The following RB1CC1 variants were observed in gnomAD, a reference collection of about 807,000 sequenced individuals.
RB1CC1 encodes the protein RB1 inducible coiled-coil 1.
RB1CC1 carries 46 observed loss-of-function variants against 177.5 expected under a neutral mutation model. That is an observed-to-expected ratio of 0.26 (90% CI 0.20 to 0.33). The LOEUF (loss-of-function observed/expected upper bound fraction) is 0.33. RB1CC1 is among the 10% of genes least tolerant of loss of function. The pLI is 1.00. For missense variants in RB1CC1, 1,703 were observed against 1,816.3 expected, an observed-to-expected ratio of 0.94 and a Z score of 1.13; for synonymous variants, 666 against 613.6, an observed-to-expected ratio of 1.09 and a Z score of -1.26.
chr8:52,641,960 A>AAATAAT lies in RB1CC1; in HGVS notation c.4337+385_4337+390dup, dbSNP rs140961129. Among the ~76,000 whole-genome samples, 27 of 151,782 alleles carry AAATAAT rather than the reference A, an allele frequency of 1.8e-4. No individual in the cohort carries two copies. In the East Asian group the frequency reaches 4.3e-3, roughly 24 times the overall value. Reference sequence around the variant, plus strand: ...AAACATTTGCTATATATGAATAAACAAATAATAATAATAATAATAAAAAAC... The same window carrying AAATAAT: ...AAACATTTGCTATATATGAATAAACAAATAATAATAATAATAATAATAATAAAAAAC... On this transcript the variant is annotated intron_variant, in intron 18 of 23. Transcript: ENST00000025008.
intron 1 of RB1CC1, among the ~76,000 whole-genome samples, chr8:52,707,697 G>T (rs974000808): frequency 6.6e-6 from 1 of 152,004 alleles, no homozygotes; most frequent in Non-Finnish European, 1.5e-5. Context: ...CCTTACTGTT[G>T]CCTACAGCAG....
chr8:52,697,749 A>G (rs1418114966), intron 1 of RB1CC1, among the ~76,000 whole-genome samples: 2 of 152,244 alleles, frequency 1.3e-5, no homozygotes, highest in African/African-American at 4.8e-5. Flanking sequence ...GCAAATTTCC[A>G]TAATAAAACA....
At chr8:52,662,702 C>T (rs1398470950) in intron 8 of RB1CC1, among the ~76,000 whole-genome samples, 3 of 151,954 alleles carry the variant, frequency 2.0e-5, no homozygotes, top group African/African-American at 4.8e-5. Flanking sequence ...TCCTAAATAT[C>T]ATGACATTTA....
At chr8:52,697,675 T>C (rs543124269) in intron 1 of RB1CC1, among the ~76,000 whole-genome samples, 6 of 152,348 alleles carry the variant, frequency 3.9e-5, no homozygotes, top group African/African-American at 7.2e-5. Flanking sequence ...TTGGTACTTA[T>C]TAAAGCAAGT....
rs748623728 is a variant in RB1CC1, at chr8:52,657,351, T to G, written c.2478A>C (p.Val826=). The G allele has an allele frequency of 3.7e-6, 6 of 1,613,874 alleles. No individual in the cohort carries two copies. Among genetic ancestry groups the G allele is most frequent in the Non-Finnish European group, 8.5e-7 (1 of 1,179,964 alleles). Reference sequence around the variant, plus strand: ...TTGAGAAGTCACACTGTTCTTTTTGTACAAATGTTCTAAAGTGGCAAAGGT... The same window carrying G: ...TTGAGAAGTCACACTGTTCTTTTTGGACAAATGTTCTAAAGTGGCAAAGGT... ...KEDLCHFRTF[V]QKEQCDFSNS... Residue 826 remains valine (V), a synonymous_variant, in exon 15 of 24, where the codon GTA becomes GTC. Coordinates refer to ENST00000025008, the MANE Select transcript of RB1CC1 (RefSeq NM_014781.5).
At chr8:52,639,587 C>T (rs933521846) in intron 18 of RB1CC1, among the ~76,000 whole-genome samples, 3 of 152,160 alleles carry the variant, frequency 2.0e-5, no homozygotes, top group Admixed American at 6.5e-5. Context: ...AAATACGATG[C>T]TTGCTATGTC....
At chr8:52,694,847 T>C (rs1237847157) in intron 1 of RB1CC1, among the ~76,000 whole-genome samples, 1 of 152,018 alleles carries the variant, frequency 6.6e-6, no homozygotes, top group African/African-American at 2.4e-5. Flanking sequence ...GAGGAAAGGG[T>C]AGAAAACCAA....
chr8:52,655,227 GCAGA>G, intron 15 of RB1CC1, among the ~76,000 whole-genome samples: 1 of 152,190 alleles, frequency 6.6e-6, no homozygotes, highest in South Asian at 2.1e-4. Flanking sequence ...GTATTATAGA[GCAGA>G]CAATCACAAG....
chr8:52,683,890 C>T lies in RB1CC1; in HGVS notation c.195G>A (p.Gly65=), dbSNP rs765216434. Residue 65 remains glycine, a synonymous_variant, in exon 4 of 24, where the codon GGG becomes GGA. Coordinates refer to ENST00000025008, the MANE Select transcript of RB1CC1 (RefSeq NM_014781.5). ...GAAAGGACTCTTGAATACCTACCGT[C>T]CCAGCACTGTAGGTACACACTCTTC... The part of the protein sequence containing the change: ...ADRRVCTYSA[G]TDTNPIFLFN... 2.5e-6 allele frequency: 4 copies of T among 1,613,682 alleles called. No individual in the cohort carries two copies. The highest frequency in any genetic ancestry group is 3.4e-6 in the Non-Finnish European group (4 of 1,179,920).
rs139655485 is a variant in RB1CC1, at chr8:52,674,205, T to C, written c.642A>G (p.Arg214=). 3.4e-5 allele frequency: 55 copies of C among 1,612,664 alleles called. No individual in the cohort carries two copies. The highest frequency in any genetic ancestry group is 5.3e-5 in the African/African-American group (4 of 74,898). ...AAGAATCCAGTCTTCCCAAACATTC[T>C]CTGTAACTATGTCTGGTTAGGCACT... The part of the protein sequence containing the change: ...LLECLTRHSY[R]ECLGRLDSLP... Residue 214 remains arginine, a synonymous_variant, in exon 7 of 24, where the codon AGA becomes AGG. Coordinates refer to ENST00000025008, the MANE Select transcript of RB1CC1 (RefSeq NM_014781.5).
At position 52,645,793 on chromosome 8, in the gene RB1CC1, T is replaced by C. The variant is rs1248162154; in HGVS notation, c.3896A>G (p.Lys1299Arg). The C allele has an allele frequency of 4.3e-6, 7 of 1,611,344 alleles. No individual in the cohort carries two copies. The East Asian group carries it at 1.6e-4, about 36-fold the overall frequency. The change falls in exon 16 of 24, where the codon AAA becomes AGA. Residue 1299 changes from lysine to arginine, a missense_variant. Lys to Arg is a conservative substitution (Grantham distance 26, BLOSUM62 2). Around this residue, in one of 6 missense-constraint regions of RB1CC1, gnomAD observed 1,169 missense variants for 1,184.7 expected, o/e 0.99. Coordinates refer to ENST00000025008, the MANE Select transcript of RB1CC1 (RefSeq NM_014781.5). ...TTCAAGTTGTTCTAGAAACTTAGCT[T>C]TTTCTTCCTGAAGCTTTTCTTGAAG... is the stretch of plus-strand genomic sequence containing the variant. ...AELQEKLQEE[K>R]AKFLEQLEEQ...
chr8:52,647,091 T>A (rs2150428092), intron 15 of RB1CC1, among the ~76,000 whole-genome samples: 1 of 152,310 alleles, frequency 6.6e-6, no homozygotes, highest in South Asian at 2.1e-4. Context: ...TGTAATTTCC[T>A]CATCTAATTA....
At chr8:52,663,085 G>C (rs1474300833) in intron 8 of RB1CC1, among the ~76,000 whole-genome samples, 2 of 151,936 alleles carry the variant, frequency 1.3e-5, no homozygotes, top group Non-Finnish European at 2.9e-5. Context: ...ATATAATTCA[G>C]ACTAAATAGA....
At chr8:52,646,542 C>T (rs1850058139) in intron 15 of RB1CC1, among the ~76,000 whole-genome samples, 1 of 152,174 alleles carries the variant, frequency 6.6e-6, no homozygotes, top group Admixed American at 6.5e-5. Flanking sequence ...CTAAAGATTG[C>T]ATATGTTGAA....
intron 18 of RB1CC1, among the ~76,000 whole-genome samples, chr8:52,639,076 C>T (rs1163477814): frequency 6.6e-6 from 1 of 152,090 alleles, no homozygotes; most frequent in East Asian, 1.9e-4. Flanking sequence ...AATATGAATT[C>T]TAGCATCAAA....
At chr8:52,659,229 A>T (rs1040671826) in intron 12 of RB1CC1, among the ~76,000 whole-genome samples, 4 of 152,114 alleles carry the variant, frequency 2.6e-5, no homozygotes, top group African/African-American at 9.7e-5. Flanking sequence ...TTTTAGCATC[A>T]TTTTATGGGA....
rs1849696328 is a variant in RB1CC1 at position 52,642,802 on chromosome 8, T to C, written c.3998A>G (p.Asn1333Ser). The C allele has an allele frequency of 2.6e-6, 4 of 1,552,990 alleles. No homozygotes were observed. The highest frequency in any genetic ancestry group is 3.4e-6 in the Non-Finnish European group (4 of 1,159,478). The change falls in exon 17 of 24, where the codon AAC becomes AGC. Residue 1333 changes from asparagine to serine, a missense_variant. Around this residue, in one of 6 missense-constraint regions of RB1CC1, gnomAD observed 1,169 missense variants for 1,184.7 expected, o/e 0.99. Transcript: ENST00000025008. The part of the protein sequence containing the change: ...SLIAEQQTNF[N>S]TVLTREKMRK... Reference sequence around the variant, plus strand: ...CATTTTCTCTCTTGTTAAAACAGTGTTAAAATTGGTCTGGAACAAGAGAAT... The same window carrying C: ...CATTTTCTCTCTTGTTAAAACAGTGCTAAAATTGGTCTGGAACAAGAGAAT...
In RB1CC1 at chr8:52,674,240, G is replaced by T; in HGVS notation, c.607C>A (p.Pro203Thr). The change falls in exon 7 of 24, where the codon CCA becomes ACA. Residue 203 changes from proline (P) to threonine (T), a missense_variant. Pro to Thr is a conservative substitution (Grantham distance 38). Transcript: ENST00000025008. Reference sequence around the variant, plus strand: ...TGTCTGGTTAGGCACTCCAACAGTGGAATCTTGGCCATTACTGAAACTGCA... The same window carrying T: ...TGTCTGGTTAGGCACTCCAACAGTGTAATCTTGGCCATTACTGAAACTGCA... ...GTAVSVMAKI[P>T]LLECLTRHSY... 6.2e-7 allele frequency: 1 copy of T among 1,611,366 alleles called. No individual in the cohort carries two copies. The highest frequency in any genetic ancestry group is 8.5e-7 in the Non-Finnish European group (1 of 1,177,514).
At chr8:52,712,889 A>G (rs1455124307) in intron 1 of RB1CC1, among the ~76,000 whole-genome samples, 1 of 152,232 alleles carries the variant, frequency 6.6e-6, no homozygotes, top group Non-Finnish European at 1.5e-5. Flanking sequence ...TATAAATCCA[A>G]TAATCCAAAA....
Sources: gnomAD v4.1 joint callset for allele counts (sites outside exome capture counted in the v4.1 genomes callset) on GRCh38, gnomAD v4.1.1 for gene constraint, gnomAD v4.1.1 regional missense constraint, MANE v1.5 for transcripts, NCBI Gene and HGNC (gene_info 2026-07-23, HGNC 2026-07-21) for gene names.